ZMYND11: variants seen among roughly 807,000 people sequenced by gnomAD.
ZMYND11 encodes the protein zinc finger MYND-type containing 11.
A neutral mutation model predicts 84.9 loss-of-function variants in ZMYND11; 9 were observed. That is an observed-to-expected ratio of 0.11 (90% CI 0.06 to 0.18). ZMYND11 has a LOEUF of 0.18. ZMYND11 is among the 10% of genes least tolerant of loss of function. The pLI is 1.00. For synonymous variants in ZMYND11, 250 were observed against 244.1 expected, an observed-to-expected ratio of 1.02 and a Z score of -0.23; for missense variants, 409 against 761.0, an observed-to-expected ratio of 0.54 and a Z score of 5.44.
intron 6 of ZMYND11, 108 bp downstream of exon 6, chr10:237,785 G>A (rs1211015195): frequency 2.7e-6 from 2 of 728,920 alleles, no homozygotes; most frequent in Non-Finnish European, 4.3e-6. Context: ...TTCCTTGAAA[G>A]TGTACTTTTT....
At chr10:139,795 TCCA>T (rs1334054325) in intron 1 of ZMYND11, among the ~76,000 whole-genome samples, 1 of 130,762 alleles carries the variant, frequency 7.6e-6, no homozygotes, top group East Asian at 2.7e-4. Context: ...CACTACAACC[TCCA>T]CCTCCTGGGT....
intron 2 of ZMYND11, among the ~76,000 whole-genome samples, chr10:188,367 G>A (rs1385431803): frequency 2.6e-5 from 4 of 151,646 alleles, no homozygotes; most frequent in African/African-American, 4.8e-5. Flanking sequence ...CAGGTGGATC[G>A]CTTGAGCTCA....
intron 8 of ZMYND11, 61 bp downstream of exon 8, chr10:240,172 T>G: frequency 7.3e-7 from 1 of 1,361,796 alleles, no homozygotes; most frequent in Non-Finnish European, 1.0e-6. Context: ...TATTTCAGGA[T>G]TCCACTCTTA....
intron 2 of ZMYND11, among the ~76,000 whole-genome samples, chr10:185,422 G>C (rs961202754): frequency 1.4e-5 from 2 of 147,482 alleles, no homozygotes; most frequent in Non-Finnish European, 3.0e-5. Flanking sequence ...TATCTAGTAG[G>C]TTTGGGGAGA....
At chr10:217,190 C>T (rs532651808) in intron 3 of ZMYND11, among the ~76,000 whole-genome samples, 27 of 152,258 alleles carry the variant, frequency 1.8e-4, no homozygotes, top group African/African-American at 5.3e-4. Flanking sequence ...TTCTGTGCTT[C>T]GGTTTGGTCT....
intron 10 of ZMYND11, among the ~76,000 whole-genome samples, chr10:243,525 C>G (rs545204231): frequency 6.6e-6 from 1 of 152,142 alleles, no homozygotes; most frequent in African/African-American, 2.4e-5. Flanking sequence ...AATGAGTTAA[C>G]TTGTTAGATG....
At chr10:203,809 GAATC>G (rs1943660869) in intron 2 of ZMYND11, among the ~76,000 whole-genome samples, 1 of 152,110 alleles carries the variant, frequency 6.6e-6, no homozygotes, top group African/African-American at 2.4e-5. Context: ...TTTCTGGAAG[GAATC>G]AAGCTCTAGA....
intron 1 of ZMYND11, among the ~76,000 whole-genome samples, chr10:147,262 C>G (rs770207618): frequency 6.6e-6 from 1 of 152,076 alleles, no homozygotes; most frequent in Non-Finnish European, 1.5e-5. Flanking sequence ...TCAGATTACT[C>G]TGACTAGGAC....
chr10:179,395 A>G (rs1446896662), intron 1 of ZMYND11, among the ~76,000 whole-genome samples: 1 of 152,126 alleles, frequency 6.6e-6, no homozygotes, highest in African/African-American at 2.4e-5. Context: ...TACCCCCAAA[A>G]CTTACACCTA....
At chr10:238,538 A>G (rs1314234134) in intron 6 of ZMYND11, among the ~76,000 whole-genome samples, 1 of 151,948 alleles carries the variant, frequency 6.6e-6, no homozygotes, top group Non-Finnish European at 1.5e-5. Flanking sequence ...TTGTATTTTT[A>G]GTAGAGACGG....
Position 248,603 on chromosome 10 carries a change from G to C in ZMYND11, c.1495G>C (p.Glu499Gln), listed in dbSNP as rs1489792551. Residue 499 changes from glutamate to glutamine, a missense_variant, in exon 13 of 15, where the codon GAG (glutamate) becomes CAG (glutamine). By Grantham distance (29) the Glu-to-Gln change is conservative (BLOSUM62 2). This residue lies in a region of ZMYND11 where 141 missense variants were observed against 173.8 expected (regional missense o/e 0.81). Coordinates refer to ENST00000381604, the MANE Select transcript of ZMYND11 (RefSeq NM_001370100.5). ...AGAGCGTGTTGTCCGAGAAGCTCTG[G>C]AGAAGGTAATGCTTGTCGCCACTGT... ...ETERVVREAL[E>Q]KLRSEMEEEK... is the part of the protein sequence containing the mutation. The C allele has an allele frequency of 6.2e-7, 1 of 1,604,196 alleles. No homozygotes were observed. Among genetic ancestry groups the C allele is most frequent in the East Asian group, 2.2e-5 (1 of 44,820 alleles).
chr10:205,254 G>A (rs1407969649), intron 2 of ZMYND11, among the ~76,000 whole-genome samples: 2 of 152,152 alleles, frequency 1.3e-5, no homozygotes, highest in Non-Finnish European at 2.9e-5. Context: ...TTTTTACACA[G>A]AACTGAACAA....
chr10:138,110 GTT>G (rs1198726870), intron 1 of ZMYND11, among the ~76,000 whole-genome samples: 6 of 133,018 alleles, frequency 4.5e-5, no homozygotes, highest in Admixed American at 7.6e-5. Context: ...TTCTGTTGGC[GTT>G]TTTTTTTTTT....
intron 10 of ZMYND11, 65 bp downstream of exon 10, chr10:242,204 G>T: frequency 6.4e-7 from 1 of 1,566,486 alleles, no homozygotes; most frequent in South Asian, 1.2e-5. Context: ...AAAGTTTGAT[G>T]ATTTCTCCAT....
chr10:142,176 C>G (rs1425575199), intron 1 of ZMYND11, among the ~76,000 whole-genome samples: 2 of 152,180 alleles, frequency 1.3e-5, no homozygotes, highest in African/African-American at 4.8e-5. Flanking sequence ...ACTCTGGTCA[C>G]TGCCACCTCC....
At chr10:235,468 A>G (rs1949788305) in intron 4 of ZMYND11, among the ~76,000 whole-genome samples, 1 of 151,918 alleles carries the variant, frequency 6.6e-6, no homozygotes. Flanking sequence ...ATTGCACTTT[A>G]TATTCCATAT....
chr10:246,394 A>G (rs927464215), intron 10 of ZMYND11, among the ~76,000 whole-genome samples: 1 of 152,258 alleles, frequency 6.6e-6, no homozygotes, highest in Non-Finnish European at 1.5e-5. Context: ...AGAACAACAA[A>G]TAACTTTAAA....
At chr10:181,496 G>A (rs1397729982) in intron 2 of ZMYND11, among the ~76,000 whole-genome samples, 1 of 152,198 alleles carries the variant, frequency 6.6e-6, no homozygotes, top group Non-Finnish European at 1.5e-5. Context: ...GTGCACACCT[G>A]TGGTCCCAAC....
In ZMYND11 at chr10:239,418, C is replaced by G; in HGVS notation, c.610-20C>G. The G allele has an allele frequency of 6.2e-7, 1 of 1,601,852 alleles. No homozygotes were observed. The highest frequency in any genetic ancestry group is 8.5e-7 in the Non-Finnish European group (1 of 1,172,854). ...TTTACTGGTAACTCTTTTCGTCATT[C>G]TGTTTTTTGCCCTCTGCAGAAAGTG... is the stretch of plus-strand genomic sequence containing the variant. On this transcript the variant is annotated intron_variant, in intron 6 of 14. Transcript: ENST00000381604.
Sources: gnomAD v4.1 joint callset for allele counts (sites outside exome capture counted in the v4.1 genomes callset) on GRCh38, gnomAD v4.1.1 for gene constraint, gnomAD v4.1.1 regional missense constraint, MANE v1.5 for transcripts, NCBI Gene and HGNC (gene_info 2026-07-23, HGNC 2026-07-21) for gene names.